COL24A1: variants seen among roughly 807,000 people sequenced by gnomAD.
COL24A1 encodes the protein collagen type XXIV alpha 1 chain.
Under a neutral mutation model 253.9 loss-of-function variants are expected in COL24A1, and 224 were observed. The ratio of observed to expected loss-of-function variants is 0.88; its 90% confidence interval spans 0.79 to 0.99. The LOEUF (loss-of-function observed/expected upper bound fraction) is 0.99, where lower values mean the gene tolerates loss of function less well. COL24A1 is among the 50% of genes least tolerant of loss of function. The pLI, the probability that COL24A1 is intolerant of heterozygous loss-of-function variation, is 0.00. For missense variants in COL24A1, 2,131 were observed against 2,068.5 expected, an observed-to-expected ratio of 1.03 and a Z score of -0.59; for synonymous variants, 685 against 673.7, an observed-to-expected ratio of 1.02 and a Z score of -0.26.
At chr1:86,119,986 C>T (rs1009672247) in intron 3 of COL24A1, among the ~76,000 whole-genome samples, 1 of 152,108 alleles carries the variant, frequency 6.6e-6, no homozygotes, top group Non-Finnish European at 1.5e-5. Context: ...GAAATAACAC[C>T]ACACATCTAC....
At chr1:85,998,308 G>C (rs939964959) in intron 19 of COL24A1, among the ~76,000 whole-genome samples, 1 of 152,060 alleles carries the variant, frequency 6.6e-6, no homozygotes, top group East Asian at 1.9e-4. Context: ...CCATGCCCCT[G>C]GTTCTTGCAC....
intron 12 of COL24A1, among the ~76,000 whole-genome samples, chr1:86,040,556 T>G (rs1201971138): frequency 6.8e-6 from 1 of 147,886 alleles, no homozygotes; most frequent in Non-Finnish European, 1.5e-5. Flanking sequence ...GTGTCACATC[T>G]CTATGAAATC....
intron 53 of COL24A1, among the ~76,000 whole-genome samples, chr1:85,769,639 G>T (rs1403445566): frequency 6.6e-6 from 1 of 152,124 alleles, no homozygotes; most frequent in African/African-American, 2.4e-5. Flanking sequence ...GACGAGAGAA[G>T]AAAGAACAAG....
rs77563694 is a variant in COL24A1 at position 86,031,793 on chromosome 1, C to T, written c.2049+85G>A. 2.5e-3 allele frequency: 2,585 copies of T among 1,052,564 alleles called. 50 individuals carry two copies. In the East Asian group the frequency reaches 0.033, roughly 13 times the overall value. 65.2% of individuals were successfully genotyped at this position (1,052,564 alleles called of 1,614,324 possible). ...ACAATGACAGTAAAACCTCTCATTT[C>T]CCTAAGTTTCAAAAACACATCTAAC... On this transcript the variant is annotated intron_variant, in intron 14 of 59. Transcript: ENST00000370571.
intron 12 of COL24A1, among the ~76,000 whole-genome samples, chr1:86,040,347 GGTACAT>G (rs1699376761): frequency 6.6e-6 from 1 of 150,816 alleles, no homozygotes; most frequent in Admixed American, 6.6e-5. Flanking sequence ...TAAGTTTTAG[GGTACAT>G]GTGCACAATG....
intron 32 of COL24A1, among the ~76,000 whole-genome samples, chr1:85,880,678 GT>G (rs1468947952): frequency 6.6e-6 from 1 of 150,658 alleles, no homozygotes; most frequent in Non-Finnish European, 1.5e-5. Flanking sequence ...TAAAAAATAT[GT>G]TTTTCAAAAA....
chr1:85,995,622 T>A (rs1694715296), intron 19 of COL24A1, among the ~76,000 whole-genome samples: 1 of 152,124 alleles, frequency 6.6e-6, no homozygotes, highest in Non-Finnish European at 1.5e-5. Flanking sequence ...GGATTACAAA[T>A]GTAAACAAGA....
intron 18 of COL24A1, among the ~76,000 whole-genome samples, chr1:86,018,193 C>T (rs1338929484): frequency 6.6e-6 from 1 of 152,182 alleles, no homozygotes; most frequent in East Asian, 1.9e-4. Flanking sequence ...ATCACCTAAA[C>T]TTGCAAGTTA....
At chr1:85,954,657 C>T (rs1484899570) in intron 24 of COL24A1, among the ~76,000 whole-genome samples, 1 of 152,004 alleles carries the variant, frequency 6.6e-6, no homozygotes, top group Non-Finnish European at 1.5e-5. Context: ...GGTAAACATC[C>T]TCCTGATGAT....
intron 48 of COL24A1, 93 bp from the exon 49 acceptor site, chr1:85,784,459 C>A (rs1570601779): frequency 1.2e-6 from 1 of 845,682 alleles, no homozygotes; most frequent in East Asian, 2.5e-5. Context: ...CATCCTTAGG[C>A]CCATTCCATA....
At position 86,112,574 on chromosome 1, in the gene COL24A1, C is replaced by G. The variant is rs778395716; in HGVS notation, c.1592G>C (p.Gly531Ala). 1.2e-6 allele frequency: 2 copies of G among 1,612,786 alleles called. No homozygotes were observed. Among genetic ancestry groups the G allele is most frequent in the Admixed American group, 3.3e-5 (2 of 59,964 alleles). ...TGATTAGTAGTCACTTACCTTTGGA[C>G]CAGGTAATCCAGGTAAACCAGGATT... is the stretch of plus-strand genomic sequence containing the variant. ...HGNPGLPGLP[G>A]PKGPKGDPGF... The change falls in exon 5 of 60, where the codon GGT becomes GCT. Residue 531 changes from glycine (G) to alanine (A), a missense_variant. Coordinates refer to ENST00000370571, the MANE Select transcript of COL24A1 (RefSeq NM_152890.7).
chr1:86,125,847 C>T lies in COL24A1; in HGVS notation c.489G>A (p.Trp163Ter). ...TTCTAATAGTAATGGCAAATGAGTG[C>T]CATTGCTCATCATGAACACTGTAGT... ...VFNYSVHDEQ[W>*]HSFAITIRNQ... is the part of the protein sequence containing the mutation. The change falls in exon 3 of 60, where the codon TGG (tryptophan) becomes TGA (stop). Residue 163 changes from tryptophan (W) to a stop codon, truncating the protein, a stop_gained. Coordinates refer to ENST00000370571, the MANE Select transcript of COL24A1 (RefSeq NM_152890.7). LOFTEE classifies it high-confidence loss of function. 1.2e-6 allele frequency: 2 copies of T among 1,613,266 alleles called. No homozygotes were observed. The highest frequency in any genetic ancestry group is 8.5e-7 in the Non-Finnish European group (1 of 1,179,692).
At chr1:85,940,700 G>C (rs1688676973) in intron 24 of COL24A1, among the ~76,000 whole-genome samples, 8 of 152,114 alleles carry the variant, frequency 5.3e-5, no homozygotes, top group Admixed American at 5.2e-4. Context: ...AGGGATTTCA[G>C]CTTCTAACGT....
chr1:85,990,398 A>G (rs565140515), intron 19 of COL24A1, among the ~76,000 whole-genome samples: 1 of 152,330 alleles, frequency 6.6e-6, no homozygotes, highest in East Asian at 1.9e-4. Context: ...ATCATCAGGC[A>G]TTAGACTCTC....
chr1:86,041,103 G>T (rs2101604743), intron 12 of COL24A1, among the ~76,000 whole-genome samples: 1 of 152,214 alleles, frequency 6.6e-6, no homozygotes, highest in East Asian at 1.9e-4. Context: ...GAAAAGAGGA[G>T]CAGGCTCTCC....
chr1:85,979,412 G>T lies in COL24A1; in HGVS notation c.2365-8019C>A, dbSNP rs187118448. Among the ~76,000 whole-genome samples, 44 of 151,892 alleles carry T rather than the reference G, an allele frequency of 2.9e-4. No homozygotes were observed. In the East Asian group the frequency reaches 8.1e-3, roughly 28 times the overall value. On this transcript the variant is annotated intron_variant, in intron 20 of 59. Transcript: ENST00000370571. ...TGAAACAAAAAGCTGGTTCTTTGAA[G>T]GATAAATAAAATTGATAGGCAATTA...
intron 2 of COL24A1, 66 bp downstream of exon 2, chr1:86,146,053 T>G: frequency 2.4e-6 from 3 of 1,270,160 alleles, no homozygotes; most frequent in South Asian, 2.5e-5. Flanking sequence ...TTGAAAGTTA[T>G]GTACTTTTGC....
intron 7 of COL24A1, among the ~76,000 whole-genome samples, chr1:86,082,621 G>GTATATATTTATATAAATATATAA (rs1702728662): frequency 2.5e-5 from 2 of 81,444 alleles, no homozygotes; most frequent in South Asian, 3.1e-4. Context: ...ATAATAATTT[G>GTATATATTTATATAAATATATAA]TATATATTTA....
rs533562956 is a variant in COL24A1, at chr1:85,955,084, C to T, written c.2562+6165G>A. 8.4e-4 allele frequency among the ~76,000 whole-genome samples: 128 copies of T among 152,230 alleles called. 1 individual carries two copies. The highest frequency in any genetic ancestry group is 2.9e-3 in the African/African-American group (119 of 41,526). On this transcript the variant is annotated intron_variant, in intron 24 of 59. Coordinates refer to ENST00000370571, the MANE Select transcript of COL24A1 (RefSeq NM_152890.7). ...GCCCACCATGCTCCCCATCCTGTGC[C>T]GCTATAAGCCGGATACAGACACAGA...
Sources: allele counts gnomAD v4.1 joint callset (sites outside exome capture counted in the v4.1 genomes callset), GRCh38; gene constraint gnomAD v4.1.1; transcripts MANE v1.5; gene names NCBI Gene and HGNC (gene_info 2026-07-23, HGNC 2026-07-21).